TENM2: variants seen among roughly 807,000 people sequenced by gnomAD.
TENM2 encodes teneurin-2.
Under a neutral mutation model 245.2 loss-of-function variants are expected in TENM2, and 52 were observed. That is an observed-to-expected ratio of 0.21 (90% CI 0.17 to 0.27). TENM2 has a LOEUF of 0.27. Among genes scored for constraint, TENM2 ranks in the 10% least tolerant of loss-of-function variants. TENM2 has a pLI of 1.00. For synonymous variants in TENM2, 1,363 were observed against 1,438.9 expected, an observed-to-expected ratio of 0.95 and a Z score of 1.19; for missense variants, 3,046 against 3,666.8, an observed-to-expected ratio of 0.83 and a Z score of 4.37.
At chr5:167,745,564 A>G (rs2150613781) in intron 2 of TENM2, among the ~76,000 whole-genome samples, 1 of 152,334 alleles carries the variant, frequency 6.6e-6, no homozygotes. Context: ...AGCTATTTTT[A>G]GCTTTCCACA....
At chr5:167,337,706 A>T (rs1757862898) in intron 1 of TENM2, among the ~76,000 whole-genome samples, 1 of 152,188 alleles carries the variant, frequency 6.6e-6, no homozygotes, top group South Asian at 2.1e-4. Flanking sequence ...CGTTGCAAAA[A>T]GACGTGATCC....
intron 2 of TENM2, among the ~76,000 whole-genome samples, chr5:167,646,814 C>G (rs1294575391): frequency 1.3e-5 from 2 of 152,140 alleles, no homozygotes; most frequent in Non-Finnish European, 2.9e-5. Context: ...CTACGGCAAG[C>G]CAGATGGCTC....
At chr5:167,223,752 T>G in the TENM2 span, among the ~76,000 whole-genome samples, 1 of 152,194 alleles carries the variant, frequency 6.6e-6, no homozygotes, top group East Asian at 1.9e-4. Context: ...TTTAGTTTTT[T>G]GAGAAATCTC....
chr5:167,621,283 T>A (rs1242213406), intron 2 of TENM2, among the ~76,000 whole-genome samples: 2 of 152,172 alleles, frequency 1.3e-5, no homozygotes, highest in African/African-American at 4.8e-5. Flanking sequence ...AGATAATGTC[T>A]TTGCAGAGAA....
At chr5:167,246,911 G>A in the TENM2 span, among the ~76,000 whole-genome samples, 3 of 151,860 alleles carry the variant, frequency 2.0e-5, no homozygotes, top group Non-Finnish European at 4.4e-5. Flanking sequence ...CCACTTACCC[G>A]TCTATTCATC....
At chr5:168,240,361 C>T (rs879810911) in intron 25 of TENM2, among the ~76,000 whole-genome samples, 2 of 152,198 alleles carry the variant, frequency 1.3e-5, no homozygotes, top group Non-Finnish European at 2.9e-5. Flanking sequence ...GCCTGTAGTC[C>T]AACACCCCTC....
intron 5 of TENM2, among the ~76,000 whole-genome samples, chr5:168,040,766 C>A (rs1404051424): frequency 6.6e-6 from 1 of 152,180 alleles, no homozygotes. Context: ...CAGTGGGCCC[C>A]CTCCTCTTTG....
chr5:167,157,256 A>C, the TENM2 span, among the ~76,000 whole-genome samples: 3 of 152,224 alleles, frequency 2.0e-5, no homozygotes, highest in African/African-American at 7.2e-5. Context: ...AGATGAAAAA[A>C]TACCACACAG....
intron 1 of TENM2, among the ~76,000 whole-genome samples, chr5:167,361,592 T>G (rs1297016327): frequency 6.6e-6 from 1 of 152,234 alleles, no homozygotes; most frequent in Non-Finnish European, 1.5e-5. Flanking sequence ...TAAGTTCTTT[T>G]TGTCACTTTT....
At chr5:167,362,394 T>G (rs957127421) in intron 1 of TENM2, among the ~76,000 whole-genome samples, 1 of 152,186 alleles carries the variant, frequency 6.6e-6, no homozygotes, top group African/African-American at 2.4e-5. Context: ...CCTCAAATAT[T>G]TGTGGTCTAA....
intron 12 of TENM2, among the ~76,000 whole-genome samples, chr5:168,155,139 G>A (rs1581471803): frequency 6.6e-6 from 1 of 152,268 alleles, no homozygotes; most frequent in East Asian, 1.9e-4. Context: ...TTTCCCCAGA[G>A]CACCTCGAAG....
intron 2 of TENM2, among the ~76,000 whole-genome samples, chr5:167,413,020 G>A (rs1467923753): frequency 6.6e-6 from 1 of 152,022 alleles, no homozygotes; most frequent in Non-Finnish European, 1.5e-5. Flanking sequence ...ATGTACATTG[G>A]CCCTATATCT....
At chr5:167,216,894 T>G in the TENM2 span, among the ~76,000 whole-genome samples, 1 of 151,822 alleles carries the variant, frequency 6.6e-6, no homozygotes, top group Admixed American at 6.6e-5. Flanking sequence ...ACCACTGCAC[T>G]CTAGCCTGGG....
chr5:167,003,438 T>G, the TENM2 span, among the ~76,000 whole-genome samples: 4 of 152,234 alleles, frequency 2.6e-5, no homozygotes, highest in Non-Finnish European at 4.4e-5. Context: ...AAATCAGAGT[T>G]GCTTAATTGT....
chr5:167,606,359 A>G (rs1777045301), intron 2 of TENM2, among the ~76,000 whole-genome samples: 1 of 151,912 alleles, frequency 6.6e-6, no homozygotes, highest in Admixed American at 6.6e-5. Context: ...TCAAATGGCA[A>G]GGAAGCTGGG....
At chr5:167,370,341 CAAAAAAAAAAAAAAAAAAA>C (rs35067759) in intron 1 of TENM2, among the ~76,000 whole-genome samples, 1 of 73,474 alleles carries the variant, frequency 1.4e-5, no homozygotes, top group Non-Finnish European at 3.1e-5. Flanking sequence ...GACTCCGTCT[CAAAAAAAAAAAAAAAAAAA>C]AAAAAAAAAA....
chr5:168,143,843 CTTTT>C (rs70976464), intron 12 of TENM2, among the ~76,000 whole-genome samples: 5 of 102,716 alleles, frequency 4.9e-5, no homozygotes, highest in Admixed American at 1.2e-4. Flanking sequence ...TACTACACTT[CTTTT>C]TTTTTTTTTT....
chr5:167,458,459 C>G (rs1317002041), intron 2 of TENM2, among the ~76,000 whole-genome samples: 10 of 135,142 alleles, frequency 7.4e-5, no homozygotes, highest in Non-Finnish European at 1.4e-4. Flanking sequence ...TGCACTCCAG[C>G]CTAGGCGACA....
chr5:167,452,962 T>TATATATATATATATATTTTATATATATA (rs1406197551), intron 2 of TENM2, among the ~76,000 whole-genome samples: 1 of 96,784 alleles, frequency 1.0e-5, no homozygotes, highest in Non-Finnish European at 2.1e-5. Flanking sequence ...TATATATATA[T>TATATATATATATATATTTTATATATATA]TTAAAAAAAA....
Sources: gnomAD v4.1 joint callset for allele counts (sites outside exome capture counted in the v4.1 genomes callset) on GRCh38, gnomAD v4.1.1 for gene constraint, MANE v1.5 for transcripts, NCBI Gene and HGNC (gene_info 2026-07-23, HGNC 2026-07-21) for gene names.